The following MYOM2 variants were observed in gnomAD, a reference collection of about 807,000 sequenced individuals.
MYOM2 encodes myomesin-2.
In MYOM2, 254 loss-of-function variants were observed where a neutral mutation model predicts 187.6. The observed-to-expected ratio is 1.35, with a 90% CI of 1.22 to 1.50. The LOEUF (loss-of-function observed/expected upper bound fraction) is 1.50, where lower values mean the gene tolerates loss of function less well. MYOM2 is among the 40% of genes most tolerant of loss of function. MYOM2 has a pLI of 0.00. For missense variants in MYOM2, 2,796 were observed against 1,924.0 expected (o/e 1.45, Z -8.48); for synonymous variants, 981 against 753.8 (o/e 1.30, Z -4.94).
intron 14 of MYOM2, among the ~76,000 whole-genome samples, chr8:2,087,980 G>A (rs1796154640): frequency 6.6e-6 from 1 of 152,174 alleles, no homozygotes; most frequent in Admixed American, 6.5e-5. Flanking sequence ...CCACCGTGGA[G>A]CCAGTGTGTG....
intron 18 of MYOM2, among the ~76,000 whole-genome samples, chr8:2,098,425 C>T (rs80329243): frequency 0.019 from 2,894 of 152,212 alleles, 93 homozygotes; most frequent in African/African-American, 0.066. Context: ...TGGTGGGCTC[C>T]GTCTCCAGGG....
Position 2,123,365 on chromosome 8 carries a change from G to A in MYOM2, c.3567G>A (p.Lys1189=), listed in dbSNP as rs745783460. 1 of 1,592,200 alleles carries A rather than the reference G, an allele frequency of 6.3e-7. No homozygotes were observed. Among genetic ancestry groups the A allele is most frequent in the Non-Finnish European group, 8.5e-7 (1 of 1,170,832 alleles). ...ERGICELLIP[K]LSKKDHGEYK... ...GAATCTGTGAGCTCCTCATCCCAAA[G>A]GTATCAGGCATTGAGTAACACAAGA... is the stretch of plus-strand genomic sequence containing the variant. Residue 1189 remains lysine (K), a splice_region_variant and synonymous_variant, in exon 29 of 37, where the codon AAG becomes AAA. Coordinates refer to ENST00000262113, the MANE Select transcript of MYOM2 (RefSeq NM_003970.4).
At chr8:2,045,678 C>G (rs1450969356) in intron 1 of MYOM2, among the ~76,000 whole-genome samples, 1 of 152,232 alleles carries the variant, frequency 6.6e-6, no homozygotes, top group Non-Finnish European at 1.5e-5. Context: ...CTTGTCAGGA[C>G]TTGCAAGTTT....
chr8:2,141,211 T>C (rs1377529254), intron 34 of MYOM2, 34 bp downstream of exon 34: 1 of 1,592,826 alleles, frequency 6.3e-7, no homozygotes, highest in African/African-American at 1.3e-5. Flanking sequence ...TATGATATCC[T>C]GTGGGCAGTT....
intron 6 of MYOM2, among the ~76,000 whole-genome samples, chr8:2,064,547 G>A (rs929756581): frequency 1.6e-4 from 25 of 152,164 alleles, no homozygotes; most frequent in Non-Finnish European, 3.5e-4. Context: ...CAGTCGCTGC[G>A]GGAGGCCAAG....
intron 34 of MYOM2, 56 bp downstream of exon 34, chr8:2,141,233 G>C: frequency 1.3e-6 from 2 of 1,510,734 alleles, no homozygotes; most frequent in Admixed American, 1.7e-5. Flanking sequence ...AGTCCCAGTC[G>C]TTTTGGCTGC....
intron 28 of MYOM2, among the ~76,000 whole-genome samples, chr8:2,118,247 G>A (rs1797312532): frequency 6.6e-6 from 1 of 152,162 alleles, no homozygotes; most frequent in Admixed American, 6.5e-5. Flanking sequence ...GAGAAAGTGT[G>A]CCCTGGTGAA....
At chr8:2,106,851 A>G (rs956398730) in intron 23 of MYOM2, among the ~76,000 whole-genome samples, 55 of 152,308 alleles carry the variant, frequency 3.6e-4, no homozygotes, top group African/African-American at 1.3e-3. Context: ...TTTAAAGTTG[A>G]GTCTTAGCCA....
chr8:2,127,034 G>T (rs1371286335), intron 31 of MYOM2, among the ~76,000 whole-genome samples: 1 of 151,928 alleles, frequency 6.6e-6, no homozygotes, highest in African/African-American at 2.4e-5. Flanking sequence ...AGCTGCTTCT[G>T]GTCTGTGTGC....
At chr8:2,131,483 A>C (rs1170449004) in intron 32 of MYOM2, among the ~76,000 whole-genome samples, 1 of 152,018 alleles carries the variant, frequency 6.6e-6, no homozygotes, top group Non-Finnish European at 1.5e-5. Flanking sequence ...CAGCTCATGC[A>C]TCTGACTCAT....
chr8:2,050,644 A>C, intron 1 of MYOM2, 111 bp from the exon 2 acceptor site: 1 of 586,010 alleles, frequency 1.7e-6, no homozygotes, highest in East Asian at 2.9e-5. Context: ...TCCCTTCCCA[A>C]GGGGGTTTTA....
chr8:2,120,274 T>C (rs1383550280), intron 28 of MYOM2, among the ~76,000 whole-genome samples: 1 of 151,938 alleles, frequency 6.6e-6, no homozygotes, highest in Non-Finnish European at 1.5e-5. Flanking sequence ...CGTTAGTTGG[T>C]CAACCAGCTG....
Position 2,050,832 on chromosome 8 carries a change from T to TATTCAAAC in MYOM2, c.68_75dup (p.Arg26PhefsTer26), listed in dbSNP as rs780300030. On this transcript the variant is annotated frameshift_variant, in exon 2 of 37. Coordinates refer to ENST00000262113, the MANE Select transcript of MYOM2 (RefSeq NM_003970.4). LOFTEE classifies it high-confidence loss of function. Reference sequence around the variant, plus strand: ...GGCACTTCGACCAGTCCTACCGTAATATTCAAACACGGTACCTGCTGGACG... The same window carrying TATTCAAAC: ...GGCACTTCGACCAGTCCTACCGTAATATTCAAACATTCAAACACGGTACCTGCTGGACG... The TATTCAAAC allele has an allele frequency of 2.5e-6, 4 of 1,613,300 alleles. No individual in the cohort carries two copies. The Admixed American group carries it at 6.7e-5, about 27-fold the overall frequency.
chr8:2,137,814 C>A (rs1798134182), intron 32 of MYOM2, among the ~76,000 whole-genome samples: 1 of 152,050 alleles, frequency 6.6e-6, no homozygotes, highest in South Asian at 2.1e-4. Flanking sequence ...GTAAAGTGTC[C>A]AGTTGTAAGT....
rs768596375 is a variant in MYOM2 at position 2,123,598 on chromosome 8, A to T, written c.3611A>T (p.Asp1204Val). The change falls in exon 30 of 37, where the codon GAT becomes GTT. Residue 1204 changes from aspartate (D) to valine (V), a missense_variant. Asp to Val is a radical substitution (Grantham distance 152, BLOSUM62 -3). Transcript: ENST00000262113. The part of the protein sequence containing the change: ...DHGEYKATLK[D>V]DRGQDVSILE... ...GGTGAATACAAGGCAACCTTGAAAG[A>T]TGACAGAGGCCAAGATGTGTCCATC... 1 of 1,614,218 alleles carries T rather than the reference A, an allele frequency of 6.2e-7. No homozygotes were observed. Among genetic ancestry groups the T allele is most frequent in the Admixed American group, 1.7e-5 (1 of 60,032 alleles).
At chr8:2,128,899 A>T (rs893334959) in intron 31 of MYOM2, among the ~76,000 whole-genome samples, 4 of 152,224 alleles carry the variant, frequency 2.6e-5, no homozygotes, top group African/African-American at 9.6e-5. Flanking sequence ...CTTTTACAGT[A>T]TTCTGCAAAG....
chr8:2,090,950 G>A (rs988035755), intron 15 of MYOM2, among the ~76,000 whole-genome samples: 2 of 149,886 alleles, frequency 1.3e-5, no homozygotes, highest in Non-Finnish European at 1.5e-5. Context: ...ATGTCTTTAT[G>A]GTAGAATGAT....
chr8:2,109,400 C>A lies in MYOM2; in HGVS notation c.3049C>A (p.Pro1017Thr). ...LSNEIKNPTI[P>T]LKSELAYEIF... ...GATTTCTTTTCTTCCTGTAGCAATTCCTCTGAAATCGGAATTAGCTTATGA... is the reference window on the plus strand; with the variant it reads ...GATTTCTTTTCTTCCTGTAGCAATTACTCTGAAATCGGAATTAGCTTATGA... Residue 1017 changes from proline to threonine, a missense_variant, in exon 25 of 37, where the codon CCT becomes ACT. Transcript: ENST00000262113. The A allele has an allele frequency of 6.2e-7, 1 of 1,603,586 alleles. No homozygotes were observed. Among genetic ancestry groups the A allele is most frequent in the Non-Finnish European group, 8.5e-7 (1 of 1,175,528 alleles).
At chr8:2,089,835 C>T (rs1293361037) in intron 14 of MYOM2, among the ~76,000 whole-genome samples, 173 bp from the exon 15 acceptor site, 1 of 152,168 alleles carries the variant, frequency 6.6e-6, no homozygotes, top group African/African-American at 2.4e-5. Context: ...TCCAAATTGG[C>T]ATCATGTTTC....
Sources: gnomAD v4.1 joint callset for allele counts (sites outside exome capture counted in the v4.1 genomes callset) on GRCh38, gnomAD v4.1.1 for gene constraint, MANE v1.5 for transcripts, NCBI Gene and HGNC (gene_info 2026-07-23, HGNC 2026-07-21) for gene names.